The following CUX1 variants were observed in gnomAD, a reference collection of about 807,000 sequenced individuals.
CUX1 encodes cut like homeobox 1, also known as protein CASP.
A neutral mutation model predicts 158.8 loss-of-function variants in CUX1; 31 were observed. The observed-to-expected ratio is 0.20, with a 90% CI of 0.15 to 0.26. The LOEUF is 0.26. CUX1 is among the 10% of genes least tolerant of loss of function. The pLI is 1.00. For synonymous variants in CUX1, 879 were observed against 862.1 expected (o/e 1.02, Z -0.34); for missense variants, 1,589 against 2,014.6 (o/e 0.79, Z 4.04).
At chr7:102,176,171 T>C (rs1258374880) in intron 10 of CUX1, among the ~76,000 whole-genome samples, 2 of 152,248 alleles carry the variant, frequency 1.3e-5, no homozygotes, top group East Asian at 1.9e-4. Flanking sequence ...CACAAAACTT[T>C]ACAGACTTAA....
chr7:102,263,480 A>G (rs1414438544), intron 14 of CUX1, among the ~76,000 whole-genome samples: 1 of 151,236 alleles, frequency 6.6e-6, no homozygotes, highest in South Asian at 2.1e-4. Context: ...TGCCCAGCTA[A>G]TTTTTGTTAT....
At chr7:101,993,788 C>T (rs1158528463) in intron 2 of CUX1, among the ~76,000 whole-genome samples, 1 of 152,182 alleles carries the variant, frequency 6.6e-6, no homozygotes, top group Non-Finnish European at 1.5e-5. Flanking sequence ...GCCTGCCCCT[C>T]CCGGTGCAGA....
At position 102,082,115 on chromosome 7, in the gene CUX1, C is replaced by A. The variant is rs546803906; in HGVS notation, c.268+11698C>A. Among the ~76,000 whole-genome samples, 42 of 147,246 alleles carry A rather than the reference C, an allele frequency of 2.9e-4. 10 individuals carry two copies. The highest frequency in any genetic ancestry group is 3.1e-4 in the Non-Finnish European group (20 of 65,224). Reference sequence around the variant, plus strand: ...GCCACTGTCACCTAGTCCAAGCCACCAGTCTCTGTCACCTCACTGCACTCA... The same window carrying A: ...GCCACTGTCACCTAGTCCAAGCCACAAGTCTCTGTCACCTCACTGCACTCA... On this transcript the variant is annotated intron_variant, in intron 4 of 23. Coordinates refer to ENST00000292535, the MANE Select transcript of CUX1 (RefSeq NM_181552.4).
intron 1 of CUX1, among the ~76,000 whole-genome samples, chr7:101,848,282 G>A (rs147239950): frequency 8.4e-4 from 127 of 151,770 alleles, no homozygotes; most frequent in African/African-American, 2.9e-3. Flanking sequence ...CTGCTTACAC[G>A]TTAAACCCAG....
At chr7:102,032,267 A>G (rs1420992264) in intron 3 of CUX1, among the ~76,000 whole-genome samples, 4 of 151,982 alleles carry the variant, frequency 2.6e-5, no homozygotes, top group Non-Finnish European at 2.9e-5. Flanking sequence ...CCATCCTTTC[A>G]TTATGATGTG....
intron 9 of CUX1, among the ~76,000 whole-genome samples, 199 bp from the exon 10 acceptor site, chr7:102,170,247 C>T (rs782032161): frequency 6.6e-6 from 1 of 152,212 alleles, no homozygotes; most frequent in East Asian, 1.9e-4. Context: ...CTGTCATAAT[C>T]GCTCAATTAT....
At chr7:102,116,730 G>A (rs908927531) in intron 8 of CUX1, among the ~76,000 whole-genome samples, 13 of 152,150 alleles carry the variant, frequency 8.5e-5, no homozygotes, top group Admixed American at 7.9e-4. Context: ...CCTGTCTCAG[G>A]ACTGTAGCTG....
In CUX1 at chr7:101,901,261, C is replaced by G. The variant is rs148966157; in HGVS notation, c.31-14854C>G. 3.7e-4 allele frequency among the ~76,000 whole-genome samples: 56 copies of G among 152,018 alleles called. 1 individual carries two copies. The East Asian group carries it at 0.011, about 29-fold the overall frequency. ...AAATCACCCAATATTGGGTCACCAGCCTTCTTCTACTTGCAAAATAATTAA... is the reference window on the plus strand; with the variant it reads ...AAATCACCCAATATTGGGTCACCAGGCTTCTTCTACTTGCAAAATAATTAA... On this transcript the variant is annotated intron_variant, in intron 1 of 23. Coordinates refer to ENST00000292535, the MANE Select transcript of CUX1 (RefSeq NM_181552.4).
At chr7:102,038,372 G>C (rs561431627) in intron 3 of CUX1, among the ~76,000 whole-genome samples, 2 of 152,104 alleles carry the variant, frequency 1.3e-5, no homozygotes, top group Non-Finnish European at 2.9e-5. Flanking sequence ...ATGTCAATGG[G>C]GGGAGAAACC....
chr7:101,874,516 G>C (rs898325821), intron 1 of CUX1, among the ~76,000 whole-genome samples: 1 of 152,230 alleles, frequency 6.6e-6, no homozygotes, highest in Non-Finnish European at 1.5e-5. Flanking sequence ...CTTGGTGCCA[G>C]GCACCGTTGG....
At chr7:101,930,080 G>GACTC (rs1244873070) in intron 2 of CUX1, among the ~76,000 whole-genome samples, 4 of 152,196 alleles carry the variant, frequency 2.6e-5, no homozygotes, top group Non-Finnish European at 5.9e-5. Context: ...CACCTCAGGT[G>GACTC]ACTCACCTGC....
chr7:102,032,803 T>G lies in CUX1; in HGVS notation c.189+4658T>G, dbSNP rs189744858. Among the ~76,000 whole-genome samples the G allele has an allele frequency of 6.3e-4, 96 of 152,362 alleles. 1 individual carries two copies. The East Asian group carries it at 0.018, about 28-fold the overall frequency. ...ATTGATTGATTATGATACCTAATTT[T>G]GGGTGTTTCACAAGCCCAGCAAATT... On this transcript the variant is annotated intron_variant, in intron 3 of 23. Coordinates refer to ENST00000292535, the MANE Select transcript of CUX1 (RefSeq NM_181552.4).
At chr7:102,085,339 T>C (rs1827848275) in intron 4 of CUX1, among the ~76,000 whole-genome samples, 1 of 152,160 alleles carries the variant, frequency 6.6e-6, no homozygotes, top group Non-Finnish European at 1.5e-5. Context: ...AGGAACGATA[T>C]GGTTTGGCTG....
intron 3 of CUX1, among the ~76,000 whole-genome samples, chr7:102,050,598 C>T (rs552621191): frequency 1.3e-5 from 2 of 152,244 alleles, no homozygotes; most frequent in East Asian, 1.9e-4. Context: ...GCGTATGCCC[C>T]ATTTCGGGAG....
intron 18 of CUX1, among the ~76,000 whole-genome samples, chr7:102,278,356 G>A (rs775724433): frequency 4.4e-4 from 67 of 152,314 alleles, no homozygotes; most frequent in Non-Finnish European, 8.1e-4. Flanking sequence ...GTGGGAGGCC[G>A]AGGCAGGAGA....
chr7:102,164,481 C>A (rs1790796144), intron 9 of CUX1, among the ~76,000 whole-genome samples: 2 of 152,186 alleles, frequency 1.3e-5, no homozygotes, highest in Admixed American at 1.3e-4. Flanking sequence ...AAGTGAGCTG[C>A]CCTCTTCCTG....
At chr7:102,269,677 G>A (rs1554545838) in intron 14 of CUX1, among the ~76,000 whole-genome samples, 1 of 151,248 alleles carries the variant, frequency 6.6e-6, no homozygotes, top group African/African-American at 2.4e-5. Flanking sequence ...GCCCGCCTCG[G>A]CCTCTCAAAG....
At chr7:102,103,560 C>G (rs1334985812) in intron 5 of CUX1, among the ~76,000 whole-genome samples, 1 of 152,024 alleles carries the variant, frequency 6.6e-6, no homozygotes, top group Non-Finnish European at 1.5e-5. Context: ...CCTCCCAAGT[C>G]CCTAAGCTGG....
chr7:102,232,911 G>A (rs1196957714), intron 21 of CUX1, among the ~76,000 whole-genome samples: 2 of 152,168 alleles, frequency 1.3e-5, no homozygotes, highest in South Asian at 2.1e-4. Context: ...GGAATCGGCC[G>A]GCCTCTCAGA....
Sources: allele counts gnomAD v4.1 joint callset (sites outside exome capture counted in the v4.1 genomes callset), GRCh38; gene constraint gnomAD v4.1.1; transcripts MANE v1.5; gene names NCBI Gene and HGNC (gene_info 2026-07-23, HGNC 2026-07-21).